The following FERMT1 variants were observed in gnomAD, a reference collection of about 807,000 sequenced individuals.
FERMT1 encodes FERM domain containing kindlin 1.
Under a neutral mutation model 85.3 loss-of-function variants are expected in FERMT1, and 60 were observed. The ratio of observed to expected loss-of-function variants is 0.70; its 90% CI spans 0.57 to 0.87. The LOEUF (loss-of-function observed/expected upper bound fraction) is 0.87. Among genes scored for constraint, FERMT1 ranks in the 40% least tolerant of loss-of-function variants. The pLI is 0.00. For missense variants in FERMT1, 701 were observed against 818.9 expected (o/e 0.86, Z 1.76); for synonymous variants, 275 against 301.1 (o/e 0.91, Z 0.90).
chr20:6,085,256 C>A lies in FERMT1; in HGVS notation c.1403G>T (p.Cys468Phe). 2 of 1,613,922 alleles carry A rather than the reference C, an allele frequency of 1.2e-6. No homozygotes were observed. The highest frequency in any genetic ancestry group is 2.2e-5 in the South Asian group (2 of 91,062). Reference protein sequence around the residue: ...ENQYAQWMAACMLASKGKTMA... With the variant: ...ENQYAQWMAAFMLASKGKTMA... ...GGTTTTGCCCTTCGATGCCAACATG[C>A]AGGCAGCCATCCATTGGGCGTATTG... Residue 468 changes from cysteine to phenylalanine, a missense_variant, in exon 12 of 15, where the codon TGC becomes TTC. By Grantham distance (205) the Cys-to-Phe change is radical. Coordinates refer to ENST00000217289, the MANE Select transcript of FERMT1 (RefSeq NM_017671.5).
intron 14 of FERMT1, among the ~76,000 whole-genome samples, chr20:6,078,292 T>C (rs1242417117): frequency 6.6e-6 from 1 of 152,228 alleles, no homozygotes; most frequent in African/African-American, 2.4e-5. Flanking sequence ...ATCTAATCTC[T>C]GAACTTGATT....
intron 6 of FERMT1, among the ~76,000 whole-genome samples, chr20:6,105,882 T>C (rs1227777643): frequency 6.6e-6 from 1 of 152,242 alleles, no homozygotes; most frequent in East Asian, 1.9e-4. Flanking sequence ...ATTTTATGTA[T>C]GTGTTATCTA....
At chr20:6,107,241 C>T (rs1725909553) in intron 6 of FERMT1, among the ~76,000 whole-genome samples, 1 of 151,244 alleles carries the variant, frequency 6.6e-6, no homozygotes, top group Non-Finnish European at 1.5e-5. Flanking sequence ...CTCTCTGAGC[C>T]ACTCCCATCT....
intron 5 of FERMT1, among the ~76,000 whole-genome samples, chr20:6,109,829 G>T (rs1568663391): frequency 6.6e-6 from 1 of 151,864 alleles, no homozygotes; most frequent in Non-Finnish European, 1.5e-5. Flanking sequence ...TGAACCCAGG[G>T]GGGCAGAGAT....
intron 13 of FERMT1, among the ~76,000 whole-genome samples, chr20:6,082,894 A>G (rs915048282): frequency 2.6e-5 from 4 of 152,096 alleles, no homozygotes; most frequent in Non-Finnish European, 5.9e-5. Flanking sequence ...TCTTGAGCTC[A>G]GGCAATCCGT....
intron 2 of FERMT1, 75 bp downstream of exon 2, chr20:6,119,329 C>T (rs1295411710): frequency 2.8e-6 from 4 of 1,424,770 alleles, no homozygotes; most frequent in Non-Finnish European, 4.0e-6. Flanking sequence ...TCAGAAAAAC[C>T]TACACCAGCC....
chr20:6,105,828 T>A (rs182863716), intron 6 of FERMT1, among the ~76,000 whole-genome samples: 7 of 152,298 alleles, frequency 4.6e-5, no homozygotes, highest in Non-Finnish European at 8.8e-5. Flanking sequence ...ATAGATAAGA[T>A]GGGACCAAAT....
chr20:6,080,532 G>A (rs561509610), intron 13 of FERMT1, among the ~76,000 whole-genome samples: 1 of 152,202 alleles, frequency 6.6e-6, no homozygotes, highest in South Asian at 2.1e-4. Flanking sequence ...AATTTAGTGG[G>A]ATCAGGGTAG....
intron 12 of FERMT1, 142 bp from the exon 13 acceptor site, chr20:6,084,306 T>C: frequency 1.1e-6 from 1 of 918,486 alleles, no homozygotes; most frequent in African/African-American, 1.6e-5. Context: ...CATCCATTCA[T>C]TCTCTCTCTT....
intron 1 of FERMT1, 93 bp from the exon 2 acceptor site, chr20:6,119,665 T>G (rs990688066): frequency 3.5e-5 from 37 of 1,053,382 alleles, no homozygotes; most frequent in Admixed American, 8.2e-5. Flanking sequence ...TTTTGTTTTG[T>G]TTTTCATTGT....
intron 5 of FERMT1, 42 bp downstream of exon 5, chr20:6,110,256 C>A: frequency 2.0e-6 from 3 of 1,496,086 alleles, no homozygotes; most frequent in South Asian, 2.3e-5. Flanking sequence ...CTTACTGTGT[C>A]GGCACTAGCT....
chr20:6,110,072 A>G (rs1440404835), intron 5 of FERMT1, among the ~76,000 whole-genome samples: 2 of 152,220 alleles, frequency 1.3e-5, no homozygotes, highest in South Asian at 2.1e-4. Context: ...TAGTATTCAC[A>G]GATAGTAAAT....
intron 9 of FERMT1, among the ~76,000 whole-genome samples, chr20:6,093,381 G>A (rs547677503): frequency 8.5e-5 from 13 of 152,264 alleles, no homozygotes; most frequent in African/African-American, 2.9e-4. Context: ...AAGTCACACC[G>A]AAAGCCTGTG....
chr20:6,103,640 C>T (rs999313223), intron 6 of FERMT1, among the ~76,000 whole-genome samples: 7 of 152,108 alleles, frequency 4.6e-5, no homozygotes, highest in African/African-American at 9.7e-5. Context: ...TATATATTTA[C>T]ATCCTTTGCT....
intron 6 of FERMT1, among the ~76,000 whole-genome samples, chr20:6,099,824 T>A (rs1600438246): frequency 7.3e-6 from 1 of 137,336 alleles, no homozygotes; most frequent in Admixed American, 7.7e-5. Context: ...GATGAGTCAC[T>A]GTTTCTAAAA....
intron 14 of FERMT1, among the ~76,000 whole-genome samples, chr20:6,078,588 T>C (rs908472851): frequency 2.6e-5 from 4 of 151,476 alleles, no homozygotes; most frequent in South Asian, 2.1e-4. Flanking sequence ...CCTGGCTGAG[T>C]AGCTGAAACT....
At chr20:6,080,622 G>T (rs1467603502) in intron 13 of FERMT1, among the ~76,000 whole-genome samples, 1 of 152,198 alleles carries the variant, frequency 6.6e-6, no homozygotes, top group Non-Finnish European at 1.5e-5. Flanking sequence ...GAAGTGGTCG[G>T]ATTCTGTGTG....
At chr20:6,112,680 G>T in intron 3 of FERMT1, 57 bp from the exon 4 acceptor site, 1 of 1,218,560 alleles carries the variant, frequency 8.2e-7, no homozygotes. Flanking sequence ...CTCCTTCTAA[G>T]ACTCAGGGTC....
intron 5 of FERMT1, among the ~76,000 whole-genome samples, chr20:6,108,223 T>C (rs963097536): frequency 5.9e-5 from 9 of 151,574 alleles, no homozygotes; most frequent in African/African-American, 2.2e-4. Flanking sequence ...CTGGTGAGTA[T>C]AATGCAAATA....
Sources: allele counts gnomAD v4.1 joint callset (sites outside exome capture counted in the v4.1 genomes callset), GRCh38; gene constraint gnomAD v4.1.1; transcripts MANE v1.5; gene names NCBI Gene and HGNC (gene_info 2026-07-23, HGNC 2026-07-21).